The following TFAP2C variants were observed in gnomAD, a reference collection of about 807,000 sequenced individuals.
The protein encoded by TFAP2C is activating enhancer-binding protein 2 gamma.
In TFAP2C, 9 loss-of-function variants were observed where a neutral mutation model predicts 42.9. The observed-to-expected ratio is 0.21, with a 90% CI of 0.13 to 0.37. The LOEUF is 0.37. TFAP2C is among the 10% of genes least tolerant of loss of function. The probability of loss-of-function intolerance (pLI) is 1.00; values close to 1 mark genes in which losing one functional copy is unlikely to be tolerated. For synonymous variants in TFAP2C, 264 were observed against 256.0 expected (o/e 1.03, Z -0.30); for missense variants, 462 against 591.7 (o/e 0.78, Z 2.27).
chr20:56,633,832 A>G (rs899857419), intron 4 of TFAP2C, among the ~76,000 whole-genome samples: 1 of 152,006 alleles, frequency 6.6e-6, no homozygotes, highest in African/African-American at 2.4e-5. Flanking sequence ...AGGTGGGGGG[A>G]GCACCCTGGG....
In TFAP2C at chr20:56,630,474, A is replaced by C. The variant is rs1600896227; in HGVS notation, c.49-731A>C. The C allele has an allele frequency of 2.7e-6, 1 of 371,772 alleles. No homozygotes were observed. Among genetic ancestry groups the C allele is most frequent in the East Asian group, 8.3e-5 (1 of 12,062 alleles). 23.0% of individuals were successfully genotyped at this position (371,772 alleles called of 1,614,324 possible). On this transcript the variant is annotated intron_variant, in intron 1 of 6. Coordinates refer to ENST00000201031, the MANE Select transcript of TFAP2C (RefSeq NM_003222.4). The surrounding 1 kb of genome is among the most constrained non-coding windows in gnomAD (Gnocchi z 5.1). Reference sequence around the variant, plus strand: ...GGAACGTGCGCGGGCAAGGCTGCCCAATTTCCAGGGTTCTTCATGCCCCCT... The same window carrying C: ...GGAACGTGCGCGGGCAAGGCTGCCCCATTTCCAGGGTTCTTCATGCCCCCT...
intron 4 of TFAP2C, among the ~76,000 whole-genome samples, 185 bp downstream of exon 4, chr20:56,633,754 C>T (rs549054266): frequency 2.8e-4 from 42 of 152,260 alleles, no homozygotes; most frequent in East Asian, 5.8e-4. Context: ...GCTAAAACGA[C>T]GCTCACAAAT....
Position 56,631,355 on chromosome 20 carries a change from C to A in TFAP2C, c.199C>A (p.Leu67Met). 3 of 1,611,980 alleles carry A rather than the reference C, an allele frequency of 1.9e-6. No individual in the cohort carries two copies. Among genetic ancestry groups the A allele is most frequent in the Non-Finnish European group, 1.7e-6 (2 of 1,179,344 alleles). Residue 67 changes from leucine to methionine, a missense_variant, in exon 2 of 7, where the codon CTG becomes ATG. Physicochemically the swap from Leu to Met is conservative, Grantham distance 15. Transcript: ENST00000201031. The surrounding 1 kb of genome is among the most constrained non-coding windows in gnomAD (Gnocchi z 6.1). ...CTACTTTCCCCCTCCCTACCAGCAG[C>A]TGGCCTACTCCCAGTCGGCCGACCC... ...PPYFPPPYQQ[L>M]AYSQSADPYS...
At position 56,631,142 on chromosome 20, in the gene TFAP2C, G is replaced by A. The variant is rs1251137817; in HGVS notation, c.49-63G>A. ...GCCCTCTGCGTAGCCCGGCGATGCC[G>A]GCCAGTTCGCAGTAGCGGGGTTTCG... On this transcript the variant is annotated intron_variant, in intron 1 of 6. Coordinates refer to ENST00000201031, the MANE Select transcript of TFAP2C (RefSeq NM_003222.4). This position sits in a 1 kb window ranked among gnomAD's most constrained non-coding sequence, Gnocchi z 6.1. The A allele has an allele frequency of 1.4e-6, 2 of 1,470,576 alleles. No homozygotes were observed. Among genetic ancestry groups the A allele is most frequent in the Non-Finnish European group, 1.8e-6 (2 of 1,115,336 alleles). The allele number at this position is 1,470,576 out of a possible 1,614,324, so 91.1% of individuals were successfully genotyped here.
rs1987589106 is a variant in TFAP2C at position 56,636,687 on chromosome 20, T to A, written c.1000T>A (p.Leu334Ile). 1 of 1,614,008 alleles carries A rather than the reference T, an allele frequency of 6.2e-7. No homozygotes were observed. The highest frequency in any genetic ancestry group is 1.3e-5 in the African/African-American group (1 of 74,910). ...EFPSKPVAEY[L>I]TRPHLGGRNE... ...TCCTAGTAAACCAGTGGCAGAATAT[T>A]TAACCAGACCTCATCTTGGAGGACG... The change falls in exon 6 of 7, where the codon TTA becomes ATA. Residue 334 changes from leucine to isoleucine, a missense_variant. By Grantham distance (5) the Leu-to-Ile change is conservative (BLOSUM62 2). This residue lies in a region of TFAP2C where 130 missense variants were observed against 160.8 expected (regional missense o/e 0.81). Coordinates refer to ENST00000201031, the MANE Select transcript of TFAP2C (RefSeq NM_003222.4).
intron 6 of TFAP2C, 27 bp from the exon 7 acceptor site, chr20:56,637,701 C>T (rs761254160): frequency 6.2e-7 from 1 of 1,610,614 alleles, no homozygotes; most frequent in East Asian, 2.2e-5. Context: ...AGATGGAACT[C>T]ATCGAGTCAA....
In TFAP2C at chr20:56,638,495, A is replaced by C. The variant is rs1012223949; in HGVS notation, c.*482A>C. ...TTGAAAAAAAGAAAAGTGTGTATCT[A>C]GCTTCTTCAGAGATCAAGTCCTCTG... is the stretch of plus-strand genomic sequence containing the variant. On this transcript the variant is annotated 3_prime_UTR_variant, in exon 7 of 7. Transcript: ENST00000201031. 3 of 154,680 alleles carry C rather than the reference A, an allele frequency of 1.9e-5. No individual in the cohort carries two copies. The highest frequency in any genetic ancestry group is 7.7e-5 in the African/African-American group (3 of 38,898). 9.6% of individuals were successfully genotyped at this position (154,680 alleles called of 1,614,324 possible). A position where few individuals can be genotyped will look rare whatever the true frequency, so the allele number is the denominator to read the frequency against.
rs1987636591 is a variant in TFAP2C, at chr20:56,638,853, A to G, written c.*840A>G. On this transcript the variant is annotated 3_prime_UTR_variant, in exon 7 of 7. Transcript: ENST00000201031. ...CCCCAAGTCCCCGTGGAGGTTCTGT[A>G]TTTTAAGAAACAGTGCGTTGAGTGT... 6.6e-6 allele frequency: 1 copy of G among 152,426 alleles called. No individual in the cohort carries two copies. The highest frequency in any genetic ancestry group is 2.4e-5 in the African/African-American group (1 of 41,406). The allele number at this position is 152,426 out of a possible 1,614,324, so 9.4% of individuals were successfully genotyped here.
At position 56,631,572 on chromosome 20, in the gene TFAP2C, G is replaced by T; in HGVS notation, c.416G>T (p.Arg139Leu). ...CTGGAGGCGGGCGCGGTGAGCGCCC[G>T]CAGGGATGCCTACCGCCGCTCCGAC... Reference protein sequence around the residue: ...SGLEAGAVSARRDAYRRSDLL... With the variant: ...SGLEAGAVSALRDAYRRSDLL... The change falls in exon 2 of 7, where the codon CGC (arginine) becomes CTC (leucine). Residue 139 changes from arginine to leucine, a missense_variant. Physicochemically the swap from Arg to Leu is moderately radical, Grantham distance 102. Around this residue, in one of 5 missense-constraint regions of TFAP2C, gnomAD observed 271 missense variants for 269.7 expected, o/e 1.00. Transcript: ENST00000201031. The surrounding 1 kb of genome is among the most constrained non-coding windows in gnomAD (Gnocchi z 6.1). 1 of 1,534,584 alleles carries T rather than the reference G, an allele frequency of 6.5e-7. No individual in the cohort carries two copies. The highest frequency in any genetic ancestry group is 1.2e-5 in the South Asian group (1 of 83,252).
Position 56,631,296 on chromosome 20 carries a change from C to T in TFAP2C, c.140C>T (p.Ser47Phe). 3 of 1,607,842 alleles carry T rather than the reference C, an allele frequency of 1.9e-6. No individual in the cohort carries two copies. The highest frequency in any genetic ancestry group is 2.5e-6 in the Non-Finnish European group (3 of 1,177,824). ...QHLYSPAPPL[S>F]HTGVAEYQPP... The stretch of plus-strand genomic sequence containing the variant: ...CTCTACAGCCCCGCGCCACCCCTCT[C>T]CCACACTGGAGTCGCCGAATATCAG... The change falls in exon 2 of 7, where the codon TCC (serine) becomes TTC (phenylalanine). Residue 47 changes from serine to phenylalanine, a missense_variant. Transcript: ENST00000201031. This position sits in a 1 kb window ranked among gnomAD's most constrained non-coding sequence, Gnocchi z 6.1.
At chr20:56,635,110 T>C (rs1411317962) in intron 5 of TFAP2C, among the ~76,000 whole-genome samples, 1 of 152,204 alleles carries the variant, frequency 6.6e-6, no homozygotes, top group Admixed American at 6.5e-5. Context: ...TCTGATGGCG[T>C]GACGTGGTGC....
rs1420628897 is a variant in TFAP2C at position 56,636,685 on chromosome 20, A to G, written c.998A>G (p.Tyr333Cys). The stretch of plus-strand genomic sequence containing the variant: ...TTTCCTAGTAAACCAGTGGCAGAAT[A>G]TTTAACCAGACCTCATCTTGGAGGA... ...AEFPSKPVAEYLTRPHLGGRN... is the reference protein window; with the variant it reads ...AEFPSKPVAECLTRPHLGGRN... The change falls in exon 6 of 7, where the codon TAT (tyrosine) becomes TGT (cysteine). Residue 333 changes from tyrosine to cysteine, a missense_variant. This residue lies in a region of TFAP2C where 130 missense variants were observed against 160.8 expected (regional missense o/e 0.81). Transcript: ENST00000201031. 4.3e-6 allele frequency: 7 copies of G among 1,614,046 alleles called. No homozygotes were observed. Among genetic ancestry groups the G allele is most frequent in the Non-Finnish European group, 5.9e-6 (7 of 1,180,048 alleles).
At position 56,634,181 on chromosome 20, in the gene TFAP2C, C is replaced by A. The variant is rs771080877; in HGVS notation, c.835C>A (p.Arg279=). Residue 279 remains arginine, a synonymous_variant, in exon 5 of 7, where the codon CGG becomes AGG. Transcript: ENST00000201031. ...AKSKNGGRSL[R]EKLDKIGLNL... ...ATCGAAAAATGGAGGCCGGTCCTTG[C>A]GGGAGAAGTTGGACAAGATTGGGTT... 28 of 1,613,910 alleles carry A rather than the reference C, an allele frequency of 1.7e-5. No individual in the cohort carries two copies. The East Asian group carries it at 5.1e-4, about 30-fold the overall frequency.
At position 56,631,156 on chromosome 20, in the gene TFAP2C, A is replaced by T. The variant is rs758015521; in HGVS notation, c.49-49A>T. 6.1e-6 allele frequency: 9 copies of T among 1,475,538 alleles called. No individual in the cohort carries two copies. The highest frequency in any genetic ancestry group is 6.3e-6 in the Non-Finnish European group (7 of 1,117,320). 91.4% of individuals were successfully genotyped at this position (1,475,538 alleles called of 1,614,324 possible). A position where few individuals can be genotyped will look rare whatever the true frequency, so the allele number is the denominator to read the frequency against. On this transcript the variant is annotated intron_variant, in intron 1 of 6. Coordinates refer to ENST00000201031, the MANE Select transcript of TFAP2C (RefSeq NM_003222.4). The surrounding 1 kb of genome is among the most constrained non-coding windows in gnomAD (Gnocchi z 6.1). ...CCGGCGATGCCGGCCAGTTCGCAGTAGCGGGGTTTCGCACTAACGGGGTCT... is the reference window on the plus strand; with the variant it reads ...CCGGCGATGCCGGCCAGTTCGCAGTTGCGGGGTTTCGCACTAACGGGGTCT...
At position 56,633,606 on chromosome 20, in the gene TFAP2C, A is replaced by C. The variant is rs1376779305; in HGVS notation, c.803+37A>C. 4 of 1,538,712 alleles carry C rather than the reference A, an allele frequency of 2.6e-6. No homozygotes were observed. In the Admixed American group the frequency reaches 5.0e-5, roughly 19 times the overall value. On this transcript the variant is annotated intron_variant, in intron 4 of 6. Transcript: ENST00000201031. ...ACAATTCTAGGCATAGTGGTTGGGT[A>C]GTTGAAGGTGAGTGTATCAGAGGCC...
chr20:56,630,839 G>C lies in TFAP2C; in HGVS notation c.49-366G>C. ...TCTGCACCGGGCGTCCGGCTCCTTCGCCCCGGGCTCTGGCTCCTTCGCCCC... is the reference window on the plus strand; with the variant it reads ...TCTGCACCGGGCGTCCGGCTCCTTCCCCCCGGGCTCTGGCTCCTTCGCCCC... On this transcript the variant is annotated intron_variant, in intron 1 of 6. Transcript: ENST00000201031. The surrounding 1 kb of genome is among the most constrained non-coding windows in gnomAD (Gnocchi z 5.1). 2 of 984,114 alleles carry C rather than the reference G, an allele frequency of 2.0e-6. No individual in the cohort carries two copies. Among genetic ancestry groups the C allele is most frequent in the Non-Finnish European group, 2.4e-6 (2 of 829,494 alleles). The allele number at this position is 984,114 out of a possible 1,614,324, so 61.0% of individuals were successfully genotyped here.
At chr20:56,636,563 G>T (rs370275218) in intron 5 of TFAP2C, 47 bp from the exon 6 acceptor site, 6 of 1,563,484 alleles carry the variant, frequency 3.8e-6, no homozygotes, top group African/African-American at 2.8e-5. Context: ...GGGCAGTTTG[G>T]CCTCAGTGAC....
In TFAP2C at chr20:56,635,813, A is replaced by G. The variant is rs140595340; in HGVS notation, c.923-797A>G. On this transcript the variant is annotated intron_variant, in intron 5 of 6. Transcript: ENST00000201031. ...AAAACCTGAGGATGTTCAAAATGTT[A>G]TATTTGTATATAACCTACACACATC... 5.8e-4 allele frequency among the ~76,000 whole-genome samples: 89 copies of G among 152,310 alleles called. No individual in the cohort carries two copies. The Middle Eastern group carries it at 0.021, about 35-fold the overall frequency.
chr20:56,639,162 A>AGT lies in TFAP2C; in HGVS notation c.*1150_*1151dup, dbSNP rs1987641523. The AGT allele has an allele frequency of 6.6e-6, 1 of 152,612 alleles. No homozygotes were observed. Among genetic ancestry groups the AGT allele is most frequent in the African/African-American group, 2.4e-5 (1 of 41,444 alleles). 9.5% of individuals were successfully genotyped at this position (152,612 alleles called of 1,614,324 possible). On this transcript the variant is annotated 3_prime_UTR_variant, in exon 7 of 7. Transcript: ENST00000201031. The stretch of plus-strand genomic sequence containing the variant: ...GGGCTGAACCCTAAGGTGAGTGTGC[A>AGT]GTACAGTGTGTGTGGGTGAAATGGA...
Sources: allele counts gnomAD v4.1 joint callset (sites outside exome capture counted in the v4.1 genomes callset), GRCh38; gene constraint gnomAD v4.1.1; regional missense constraint gnomAD v4.1.1; non-coding constraint Gnocchi (gnomAD v3.1); transcripts MANE v1.5; gene names NCBI Gene and HGNC (gene_info 2026-07-23, HGNC 2026-07-21).